The following HCRTR2 variants were observed in gnomAD, a reference collection of about 807,000 sequenced individuals.
HCRTR2 encodes orexin receptor type 2.
Under a neutral mutation model 49.0 loss-of-function variants are expected in HCRTR2, and 22 were observed. The ratio of observed to expected loss-of-function variants is 0.45; its 90% CI spans 0.32 to 0.64. HCRTR2 has a LOEUF of 0.64. HCRTR2 is among the 30% of genes least tolerant of loss of function. The probability of loss-of-function intolerance (pLI) is 0.04; values close to 1 mark genes in which losing one functional copy is unlikely to be tolerated. For missense variants in HCRTR2, 491 were observed against 559.4 expected (o/e 0.88, Z 1.23); for synonymous variants, 236 against 205.3 (o/e 1.15, Z -1.28).
chr6:55,149,387 C>G (rs1289846677), intron 1 of HCRTR2, among the ~76,000 whole-genome samples: 1 of 152,108 alleles, frequency 6.6e-6, no homozygotes, highest in Non-Finnish European at 1.5e-5. Context: ...GATATGGCCA[C>G]TCTTTCCAAC....
At chr6:55,122,407 A>T (rs373423832) in intron 1 of HCRTR2, among the ~76,000 whole-genome samples, 24 of 152,228 alleles carry the variant, frequency 1.6e-4, no homozygotes, top group African/African-American at 5.8e-4. Flanking sequence ...ATCTTTTCAA[A>T]AAACCAGCTC....
chr6:55,236,041 G>A (rs1228333415), intron 1 of HCRTR2, among the ~76,000 whole-genome samples: 1 of 151,790 alleles, frequency 6.6e-6, no homozygotes, highest in Non-Finnish European at 1.5e-5. Context: ...TTTACCAAAG[G>A]AAAGCTAGCA....
At chr6:55,206,560 A>C (rs956089698) in intron 1 of HCRTR2, among the ~76,000 whole-genome samples, 5 of 151,984 alleles carry the variant, frequency 3.3e-5, no homozygotes, top group African/African-American at 7.2e-5. Flanking sequence ...TTATGAGTGC[A>C]AGGAGTATAG....
chr6:55,250,204 T>C (rs1361849128), intron 2 of HCRTR2, among the ~76,000 whole-genome samples: 1 of 152,056 alleles, frequency 6.6e-6, no homozygotes, highest in Non-Finnish European at 1.5e-5. Context: ...CTGCTGAAAA[T>C]CATGAATGGA....
chr6:55,203,352 G>C (rs1765544099), intron 1 of HCRTR2, among the ~76,000 whole-genome samples: 1 of 152,008 alleles, frequency 6.6e-6, no homozygotes, highest in African/African-American at 2.4e-5. Flanking sequence ...TACAACCATA[G>C]CTTGGGGTTT....
chr6:55,118,713 C>G (rs1206811522), intron 1 of HCRTR2, among the ~76,000 whole-genome samples: 2 of 151,220 alleles, frequency 1.3e-5, no homozygotes, highest in East Asian at 3.9e-4. Flanking sequence ...TTGAAAGGTG[C>G]CTGTTCATTT....
chr6:55,125,942 C>T (rs555716995), intron 1 of HCRTR2, among the ~76,000 whole-genome samples: 18 of 152,124 alleles, frequency 1.2e-4, no homozygotes, highest in South Asian at 2.1e-4. Context: ...ACGAAGTTCT[C>T]GTGCTATGTT....
intron 1 of HCRTR2, among the ~76,000 whole-genome samples, chr6:55,128,798 A>G (rs961041149): frequency 6.6e-6 from 1 of 152,168 alleles, no homozygotes; most frequent in African/African-American, 2.4e-5. Context: ...GGTTTACACC[A>G]CTGTAGCACA....
chr6:55,146,638 A>C (rs1286538116), intron 1 of HCRTR2, among the ~76,000 whole-genome samples: 2 of 150,540 alleles, frequency 1.3e-5, no homozygotes, highest in Non-Finnish European at 1.5e-5. Context: ...ACCATGTTTG[A>C]TGCCAATGTA....
intron 1 of HCRTR2, among the ~76,000 whole-genome samples, chr6:55,233,866 T>C (rs747888094): frequency 6.6e-6 from 1 of 152,214 alleles, no homozygotes; most frequent in Non-Finnish European, 1.5e-5. Flanking sequence ...TATAATAATT[T>C]GGAAATCCAT....
chr6:55,180,725 T>C (rs1293311974), intron 1 of HCRTR2, among the ~76,000 whole-genome samples: 5 of 152,348 alleles, frequency 3.3e-5, no homozygotes, highest in Non-Finnish European at 5.9e-5. Context: ...TTTCTTTTTG[T>C]CATGCATTGC....
At chr6:55,120,100 T>G (rs1184049741) in intron 1 of HCRTR2, among the ~76,000 whole-genome samples, 1 of 152,186 alleles carries the variant, frequency 6.6e-6, no homozygotes. Context: ...GTGTTATTTC[T>G]GAGGCCTCTA....
chr6:55,273,910 C>T (rs1767022249), intron 4 of HCRTR2, among the ~76,000 whole-genome samples: 1 of 152,090 alleles, frequency 6.6e-6, no homozygotes. Flanking sequence ...ATCACAAATA[C>T]ACTTAAACAC....
rs530138605 is a variant in HCRTR2, at chr6:55,144,099, C to CTTTTT, written c.-377-30084_-377-30080dup. 2.3e-3 allele frequency among the ~76,000 whole-genome samples: 198 copies of CTTTTT among 85,374 alleles called. 10 individuals are homozygous for CTTTTT. Among genetic ancestry groups the CTTTTT allele is most frequent in the African/African-American group, 7.5e-3 (123 of 16,394 alleles). The allele number at this position is 85,374 out of a possible 152,430, so 56.0% of individuals were successfully genotyped here. A position where few individuals can be genotyped will look rare whatever the true frequency, so the allele number is the denominator to read the frequency against. The stretch of plus-strand genomic sequence containing the variant: ...GTGACGCCATTCTTTCCCGTCCTGC[C>CTTTTT]TTTTTTTTTTTTTTTTTTTTTTTTT... On this transcript the variant is annotated intron_variant, in intron 1 of 7. Transcript: ENST00000615358.
At position 55,270,151 on chromosome 6, in the gene HCRTR2, G is replaced by T. The variant is rs139474548; in HGVS notation, c.762+6329G>T. The stretch of plus-strand genomic sequence containing the variant: ...ATTACCCTATTTTTGTATTTAAAAA[G>T]ATGCATTTATTAAATGATGTGGTAC... On this transcript the variant is annotated intron_variant, in intron 4 of 6. Transcript: ENST00000370862. Among the ~76,000 whole-genome samples, 916 of 152,108 alleles carry T rather than the reference G, an allele frequency of 6.0e-3. 8 individuals are homozygous for T. The highest frequency in any genetic ancestry group is 0.021 in the African/African-American group (864 of 41,504).
At chr6:55,130,773 C>T (rs145377443) in intron 1 of HCRTR2, among the ~76,000 whole-genome samples, 1 of 151,924 alleles carries the variant, frequency 6.6e-6, no homozygotes, top group East Asian at 1.9e-4. Context: ...TTTTCTTCTC[C>T]TGCATTATTA....
At chr6:55,111,928 C>G (rs552041420) in intron 1 of HCRTR2, among the ~76,000 whole-genome samples, 3 of 151,880 alleles carry the variant, frequency 2.0e-5, no homozygotes, top group African/African-American at 7.2e-5. Flanking sequence ...AAAAGCATAT[C>G]AAAAAGATAA....
At chr6:55,174,461 C>A (rs541721379), upstream of HCRTR2, 18 of 827,940 alleles carry the variant, frequency 2.2e-5, no homozygotes, top group Middle Eastern at 6.7e-4. Flanking sequence ...TAACTTTTCA[C>A]GTCATTTTCT....
At chr6:55,163,077 A>C (rs1287544923) in intron 1 of HCRTR2, among the ~76,000 whole-genome samples, 1 of 152,088 alleles carries the variant, frequency 6.6e-6, no homozygotes, top group East Asian at 1.9e-4. Flanking sequence ...TCTACTAAAA[A>C]TACAAAAAAT....
Sources: gnomAD v4.1 joint callset for allele counts (sites outside exome capture counted in the v4.1 genomes callset) on GRCh38, gnomAD v4.1.1 for gene constraint, MANE v1.5 for transcripts, NCBI Gene and HGNC (gene_info 2026-07-23, HGNC 2026-07-21) for gene names.